RNF144A: variants seen among roughly 807,000 people sequenced by gnomAD.
RNF144A encodes the protein E3 ubiquitin-protein ligase RNF144A.
Under a neutral mutation model 38.7 loss-of-function variants are expected in RNF144A, and 11 were observed. That is an observed-to-expected ratio of 0.28 (90% CI 0.18 to 0.47). The LOEUF (loss-of-function observed/expected upper bound fraction) is 0.47, where lower values mean the gene tolerates loss of function less well. Among genes scored for constraint, RNF144A ranks in the 20% least tolerant of loss-of-function variants. The probability of loss-of-function intolerance (pLI) is 0.99; values close to 1 mark genes in which losing one functional copy is unlikely to be tolerated. For missense variants in RNF144A, 316 were observed against 377.2 expected, an observed-to-expected ratio of 0.84 and a Z score of 1.34; for synonymous variants, 149 against 143.9, an observed-to-expected ratio of 1.04 and a Z score of -0.25.
downstream of RNF144A, among the ~76,000 whole-genome samples, chr2:7,045,154 C>A (rs771448433): frequency 6.6e-6 from 1 of 152,186 alleles, no homozygotes; most frequent in South Asian, 2.1e-4. Flanking sequence ...GTTCAACAAG[C>A]GCACAGAGTT....
intron 1 of RNF144A, among the ~76,000 whole-genome samples, chr2:6,925,889 C>T (rs772270712): frequency 6.6e-6 from 1 of 152,186 alleles, no homozygotes; most frequent in Non-Finnish European, 1.5e-5. Context: ...CAAACACACA[C>T]ATACACATGC....
chr2:7,058,463 A>G (rs1673828267), intron 6 of RNF144A, among the ~76,000 whole-genome samples: 1 of 152,154 alleles, frequency 6.6e-6, no homozygotes. Context: ...CATCATAACT[A>G]TCATCAAATT....
intron 2 of RNF144A, among the ~76,000 whole-genome samples, chr2:6,976,943 G>C (rs1267625446): frequency 6.6e-6 from 1 of 152,028 alleles, no homozygotes; most frequent in Non-Finnish European, 1.5e-5. Flanking sequence ...TGCACTTGCA[G>C]CTTTTTAATA....
rs1429796131 is a variant in RNF144A, at chr2:7,039,612, T to G, written c.748-17T>G. 1 of 1,613,694 alleles carries G rather than the reference T, an allele frequency of 6.2e-7. No individual in the cohort carries two copies. The highest frequency in any genetic ancestry group is 1.1e-5 in the South Asian group (1 of 91,064). On this transcript the variant is annotated splice_polypyrimidine_tract_variant and intron_variant, in intron 8 of 8. Transcript: ENST00000320892. ...ACCAGCCCTCCTTACCTCTACCCCT[T>G]TGTTTCTTTCTTCCAGGTTGTGGGC...
At position 7,041,180 on chromosome 2, in the gene RNF144A, A is replaced by G. The variant is rs1673020368; in HGVS notation, c.*1420A>G. On this transcript the variant is annotated 3_prime_UTR_variant, in exon 9 of 9. Transcript: ENST00000320892. ...TTTTAAAAATCTTGTTAAACATTCTATAAAGAAGTAAAACAAAATCCTTTT... is the reference window on the plus strand; with the variant it reads ...TTTTAAAAATCTTGTTAAACATTCTGTAAAGAAGTAAAACAAAATCCTTTT... The G allele has an allele frequency of 3.1e-6, 3 of 982,156 alleles. No homozygotes were observed. Among genetic ancestry groups the G allele is most frequent in the Non-Finnish European group, 3.6e-6 (3 of 826,930 alleles). The allele number at this position is 982,156 out of a possible 1,614,324, so 60.8% of individuals were successfully genotyped here.
Position 6,955,638 on chromosome 2 carries a change from C to T in RNF144A, c.-12+14491C>T, listed in dbSNP as rs143037494. On this transcript the variant is annotated intron_variant, in intron 2 of 8. Coordinates refer to ENST00000320892, the MANE Select transcript of RNF144A (RefSeq NM_014746.6). Reference sequence around the variant, plus strand: ...ATCATCACTGTGTCTAGATGTTTTCCTTGGATGACCCCCAATTTTCCAGCC... The same window carrying T: ...ATCATCACTGTGTCTAGATGTTTTCTTTGGATGACCCCCAATTTTCCAGCC... 2.3e-3 allele frequency among the ~76,000 whole-genome samples: 348 copies of T among 152,160 alleles called. 2 individuals are homozygous for T. The highest frequency in any genetic ancestry group is 7.9e-3 in the African/African-American group (326 of 41,518).
rs1315512466 is a variant in RNF144A, at chr2:7,038,979, G to GTGGATGGT, written c.748-642_748-635dup. ...GTGATGGCTAGGTATTGATGGGTGG[G>GTGGATGGT]TGGATGGTTGGATGGATGGGTAAAT... On this transcript the variant is annotated intron_variant, in intron 8 of 8. Coordinates refer to ENST00000320892, the MANE Select transcript of RNF144A (RefSeq NM_014746.6). Among the ~76,000 whole-genome samples the GTGGATGGT allele has an allele frequency of 2.0e-4, 30 of 152,106 alleles. No individual in the cohort carries two copies. In the East Asian group the frequency reaches 2.7e-3, roughly 14 times the overall value.
At chr2:7,025,021 C>T (rs1033887007) in intron 7 of RNF144A, among the ~76,000 whole-genome samples, 2 of 152,130 alleles carry the variant, frequency 1.3e-5, no homozygotes, top group African/African-American at 4.8e-5. Flanking sequence ...GGGCTTGGGG[C>T]CAGTCTTAAG....
intron 2 of RNF144A, among the ~76,000 whole-genome samples, chr2:6,954,948 C>T (rs1666907996): frequency 6.6e-6 from 1 of 152,202 alleles, no homozygotes; most frequent in African/African-American, 2.4e-5. Context: ...GACCCACACA[C>T]TACCGTTTTT....
chr2:7,014,376 C>T (rs982928860), intron 3 of RNF144A, 78 bp from the exon 4 acceptor site: 4 of 952,398 alleles, frequency 4.2e-6, no homozygotes, highest in African/African-American at 3.3e-5. Context: ...GTGCCTGGTC[C>T]TTTTTTTAAT....
chr2:7,044,199 T>C (rs1334380734), downstream of RNF144A: 23 of 984,974 alleles, frequency 2.3e-5, no homozygotes, highest in Non-Finnish European at 2.8e-5. Flanking sequence ...GCTCCGTCTT[T>C]TGTAGATGCT....
At chr2:7,049,455 A>G (rs991927860) in intron 6 of RNF144A, among the ~76,000 whole-genome samples, 2 of 152,152 alleles carry the variant, frequency 1.3e-5, no homozygotes, top group Non-Finnish European at 2.9e-5. Context: ...ACCTCTGGAG[A>G]TTTTGTTTGC....
intron 8 of RNF144A, among the ~76,000 whole-genome samples, chr2:7,038,824 A>G (rs1672852549): frequency 6.7e-6 from 1 of 148,524 alleles, no homozygotes; most frequent in Admixed American, 6.7e-5. Context: ...ATGGGTGGAT[A>G]GGTGGATGAA....
In RNF144A at chr2:6,939,818, A is replaced by G. The variant is rs542333132; in HGVS notation, c.-211-1130A>G. Among the ~76,000 whole-genome samples the G allele has an allele frequency of 2.6e-5, 4 of 152,244 alleles. No homozygotes were observed. In the South Asian group the frequency reaches 8.3e-4, roughly 32 times the overall value. ...GTTGAAAAAAAAAACACTATCATTT[A>G]CCCATTGAAATGTCATGATACTCTT... On this transcript the variant is annotated intron_variant, in intron 1 of 8. Transcript: ENST00000320892.
At chr2:6,980,962 C>CCA (rs1434843058) in intron 2 of RNF144A, among the ~76,000 whole-genome samples, 2 of 152,234 alleles carry the variant, frequency 1.3e-5, no homozygotes, top group Non-Finnish European at 2.9e-5. Context: ...GTGGAAGGTG[C>CCA]CAAGGCTTAG....
chr2:7,010,485 G>A (rs985272049), intron 3 of RNF144A, among the ~76,000 whole-genome samples: 2 of 152,178 alleles, frequency 1.3e-5, no homozygotes, highest in Non-Finnish European at 2.9e-5. Context: ...TCAGTAGCCA[G>A]CAGGCCTTCG....
chr2:6,998,812 T>C (rs1669919579), intron 3 of RNF144A, among the ~76,000 whole-genome samples: 1 of 151,762 alleles, frequency 6.6e-6, no homozygotes, highest in Non-Finnish European at 1.5e-5. Flanking sequence ...TAACTAGCCT[T>C]ATGCAAAATC....
chr2:6,929,399 T>C (rs1665073975), intron 1 of RNF144A, among the ~76,000 whole-genome samples: 2 of 152,232 alleles, frequency 1.3e-5, no homozygotes, highest in African/African-American at 4.8e-5. Flanking sequence ...TGAGCTGGGC[T>C]CCTGGAGCTA....
At chr2:6,925,442 G>A (rs1007866057) in intron 1 of RNF144A, among the ~76,000 whole-genome samples, 1 of 152,270 alleles carries the variant, frequency 6.6e-6, no homozygotes, top group East Asian at 1.9e-4. Context: ...CTGTGTTTCA[G>A]CTTCTGTCCT....
Sources: allele counts gnomAD v4.1 joint callset (sites outside exome capture counted in the v4.1 genomes callset), GRCh38; gene constraint gnomAD v4.1.1; transcripts MANE v1.5; gene names NCBI Gene and HGNC (gene_info 2026-07-23, HGNC 2026-07-21).